Variants in AGGF1 observed in about 807,000 individuals in gnomAD.
The protein encoded by AGGF1 is angiogenic factor with G patch and FHA domains 1.
In AGGF1, 56 loss-of-function variants were observed where a neutral mutation model predicts 86.5. That is an observed-to-expected ratio of 0.65 (90% CI 0.52 to 0.81). The LOEUF is 0.81. AGGF1 is among the 30% of genes least tolerant of loss of function. The pLI, the probability that AGGF1 is intolerant of heterozygous loss-of-function variation, is 0.00. For synonymous variants in AGGF1, 313 were observed against 297.1 expected (o/e 1.05, Z -0.55); for missense variants, 816 against 850.9 (o/e 0.96, Z 0.51).
rs745465358 is a variant in AGGF1 at position 77,063,091 on chromosome 5, A to T, written c.1984A>T (p.Thr662Ser). 1 of 1,614,104 alleles carries T rather than the reference A, an allele frequency of 6.2e-7. No individual in the cohort carries two copies. The highest frequency in any genetic ancestry group is 1.3e-5 in the African/African-American group (1 of 75,018). The part of the protein sequence containing the change: ...QLRRTHAGLG[T>S]GKPSSFEDVH... ...TCGGCGAACACATGCAGGCTTGGGG[A>T]CAGGCAAACCATCCTCATTTGAAGA... Residue 662 changes from threonine to serine, a missense_variant, in exon 14 of 14, where the codon ACA (threonine) becomes TCA (serine). This residue lies in a region of AGGF1 where 565 missense variants were observed against 585.8 expected (regional missense o/e 0.96). Transcript: ENST00000312916.
rs752142728 is a variant in AGGF1, at chr5:77,048,306, A to G, written c.1313+34A>G. On this transcript the variant is annotated intron_variant, in intron 7 of 13. Transcript: ENST00000312916. ...GTTAATATTATTATATCATTCTTTC[A>G]GTTATTTCAGAAAGGCTTTATTAAG... 2.1e-6 allele frequency: 3 copies of G among 1,460,734 alleles called. No homozygotes were observed. The African/African-American group carries it at 4.2e-5, about 21-fold the overall frequency. The allele number at this position is 1,460,734 out of a possible 1,614,324, so 90.5% of individuals were successfully genotyped here. A position where few individuals can be genotyped will look rare whatever the true frequency, so the allele number is the denominator to read the frequency against.
chr5:77,038,824 T>C (rs1319789342), intron 4 of AGGF1, among the ~76,000 whole-genome samples: 8 of 152,244 alleles, frequency 5.3e-5, no homozygotes, highest in Admixed American at 3.9e-4. Flanking sequence ...TACTGGCCAG[T>C]ATATCATAAA....
chr5:77,047,971 T>C (rs1266894388), intron 6 of AGGF1, among the ~76,000 whole-genome samples, 190 bp from the exon 7 acceptor site: 1 of 152,210 alleles, frequency 6.6e-6, no homozygotes, highest in African/African-American at 2.4e-5. Flanking sequence ...TTTATGTGGA[T>C]CACTTTAATA....
intron 4 of AGGF1, among the ~76,000 whole-genome samples, chr5:77,038,316 C>G (rs1357096043): frequency 6.6e-6 from 1 of 151,858 alleles, no homozygotes; most frequent in East Asian, 1.9e-4. Flanking sequence ...AGACATTAGT[C>G]TTTGTCAATC....
At chr5:77,051,638 T>G (rs10072933) in intron 8 of AGGF1, among the ~76,000 whole-genome samples, 1 of 152,096 alleles carries the variant, frequency 6.6e-6, no homozygotes, top group East Asian at 1.9e-4. Flanking sequence ...AAAACAGTTA[T>G]GTAGTAAAGT....
intron 4 of AGGF1, among the ~76,000 whole-genome samples, chr5:77,037,545 C>G (rs1399054284): frequency 6.6e-6 from 1 of 152,154 alleles, no homozygotes; most frequent in Admixed American, 6.5e-5. Flanking sequence ...CTTTAGGAGG[C>G]TGAGGCAGGT....
Position 77,064,857 on chromosome 5 carries a change from A to G in AGGF1, c.*1605A>G, listed in dbSNP as rs1460618652. On this transcript the variant is annotated 3_prime_UTR_variant, in exon 14 of 14. Coordinates refer to ENST00000312916, the MANE Select transcript of AGGF1 (RefSeq NM_018046.5). Reference sequence around the variant, plus strand: ...ATTGGGTTAGTATATGACTGTCTATAATATTTTCCATTTGTATTATTATAT... The same window carrying G: ...ATTGGGTTAGTATATGACTGTCTATGATATTTTCCATTTGTATTATTATAT... The G allele has an allele frequency of 1.3e-5, 2 of 152,208 alleles. No homozygotes were observed. The highest frequency in any genetic ancestry group is 4.8e-5 in the African/African-American group (2 of 41,452). 9.4% of individuals were successfully genotyped at this position (152,208 alleles called of 1,614,324 possible). A position where few individuals can be genotyped will look rare whatever the true frequency, so the allele number is the denominator to read the frequency against.
intron 1 of AGGF1, among the ~76,000 whole-genome samples, chr5:77,033,019 G>GTAAT (rs1746900705): frequency 6.6e-6 from 1 of 152,156 alleles, no homozygotes; most frequent in African/African-American, 2.4e-5. Flanking sequence ...CGAACAGAAG[G>GTAAT]TAATTGCCTG....
At position 77,036,645 on chromosome 5, in the gene AGGF1, A is replaced by G. The variant is rs1746973924; in HGVS notation, c.606A>G (p.Val202=). ...TGAGAGCTGCAGCAGAAGCGGCTGT[A>G]TCACAGACTGGATTTAGTTATGATG... ...ESLRAAAEAA[V]SQTGFSYDEN... Residue 202 remains valine (V), a synonymous_variant, in exon 4 of 14, where the codon GTA becomes GTG. Coordinates refer to ENST00000312916, the MANE Select transcript of AGGF1 (RefSeq NM_018046.5). 7 of 1,613,756 alleles carry G rather than the reference A, an allele frequency of 4.3e-6. No individual in the cohort carries two copies. The highest frequency in any genetic ancestry group is 1.7e-4 in the Middle Eastern group (1 of 5,802).
At chr5:77,051,690 AGT>A (rs377212157) in intron 8 of AGGF1, among the ~76,000 whole-genome samples, 6 of 152,194 alleles carry the variant, frequency 3.9e-5, no homozygotes, top group African/African-American at 1.4e-4. Flanking sequence ...TCCATTCCTA[AGT>A]GTGTATTCCA....
intron 6 of AGGF1, among the ~76,000 whole-genome samples, chr5:77,047,550 A>G (rs1215957171): frequency 2.6e-5 from 4 of 152,112 alleles, no homozygotes; most frequent in Non-Finnish European, 2.9e-5. Context: ...GCCTTGCTCT[A>G]TTGCCCAGGC....
At chr5:77,040,180 C>T (rs1298945909) in intron 5 of AGGF1, among the ~76,000 whole-genome samples, 1 of 150,812 alleles carries the variant, frequency 6.6e-6, no homozygotes, top group Non-Finnish European at 1.5e-5. Flanking sequence ...GTGATCTCAG[C>T]TCACCGCAAC....
intron 5 of AGGF1, among the ~76,000 whole-genome samples, chr5:77,041,253 A>G (rs905959751): frequency 1.3e-5 from 2 of 152,026 alleles, no homozygotes; most frequent in African/African-American, 4.8e-5. Flanking sequence ...GCTTGTTACT[A>G]GTGGTTTGAT....
At chr5:77,040,250 A>G (rs1432996969) in intron 5 of AGGF1, among the ~76,000 whole-genome samples, 6 of 152,018 alleles carry the variant, frequency 3.9e-5, no homozygotes, top group Non-Finnish European at 4.4e-5. Context: ...CTGGGATTAC[A>G]GGCATGCACC....
At chr5:77,032,609 A>G (rs961117972) in intron 1 of AGGF1, among the ~76,000 whole-genome samples, 1 of 150,920 alleles carries the variant, frequency 6.6e-6, no homozygotes, top group African/African-American at 2.5e-5. Flanking sequence ...AGCAAAATAT[A>G]ACAGCCTTTT....
intron 8 of AGGF1, among the ~76,000 whole-genome samples, chr5:77,049,963 G>C (rs979218853): frequency 1.1e-4 from 17 of 151,190 alleles, no homozygotes; most frequent in Non-Finnish European, 1.8e-4. Context: ...ACCTTCCATT[G>C]TTCCCATTTT....
chr5:77,035,777 C>T, intron 3 of AGGF1, 34 bp downstream of exon 3: 1 of 1,556,814 alleles, frequency 6.4e-7, no homozygotes, highest in Non-Finnish European at 8.9e-7. Flanking sequence ...CTGTTGATGC[C>T]CAAGAACCTG....
In AGGF1 at chr5:77,030,407, G is replaced by A. The variant is rs1267156477; in HGVS notation, c.-360G>A. 2.0e-6 allele frequency: 1 copy of A among 493,622 alleles called. No homozygotes were observed. The highest frequency in any genetic ancestry group is 2.3e-5 in the Admixed American group (1 of 43,492). 30.6% of individuals were successfully genotyped at this position (493,622 alleles called of 1,614,324 possible). A position where few individuals can be genotyped will look rare whatever the true frequency, so the allele number is the denominator to read the frequency against. On this transcript the variant is annotated 5_prime_UTR_variant, in exon 1 of 14. Coordinates refer to ENST00000312916, the MANE Select transcript of AGGF1 (RefSeq NM_018046.5). ...CTTGGTCCCGCCTGCCGCTGGCGCC[G>A]TTGTTTCCGGCTCAACTGGGGAGCT...
At chr5:77,061,298 A>G (rs1191231071) in intron 12 of AGGF1, among the ~76,000 whole-genome samples, 1 of 152,206 alleles carries the variant, frequency 6.6e-6, no homozygotes, top group East Asian at 1.9e-4. Flanking sequence ...CTTATTTTAA[A>G]ATTTTAATGA....
Sources: gnomAD v4.1 joint callset for allele counts (sites outside exome capture counted in the v4.1 genomes callset) on GRCh38, gnomAD v4.1.1 for gene constraint, gnomAD v4.1.1 regional missense constraint, MANE v1.5 for transcripts, NCBI Gene and HGNC (gene_info 2026-07-23, HGNC 2026-07-21) for gene names.